Variants in GPC5 observed in about 807,000 individuals in gnomAD.
GPC5 encodes glypican 5.
A neutral mutation model predicts 53.9 loss-of-function variants in GPC5; 47 were observed. The observed-to-expected ratio is 0.87, with a 90% CI of 0.69 to 1.11. The LOEUF is 1.11. GPC5 is among the 50% of genes most tolerant of loss of function. GPC5 has a pLI of 0.00. For missense variants in GPC5, 748 were observed against 713.1 expected (o/e 1.05, Z -0.56); for synonymous variants, 286 against 263.3 (o/e 1.09, Z -0.84).
chr13:92,218,577 C>CTTCACTG (rs1423669490), intron 7 of GPC5, among the ~76,000 whole-genome samples: 1 of 152,188 alleles, frequency 6.6e-6, no homozygotes, highest in Non-Finnish European at 1.5e-5. Flanking sequence ...CCTCCCCCTG[C>CTTCACTG]TTCACTGTTG....
At chr13:91,993,668 T>A (rs2040477815) in intron 6 of GPC5, among the ~76,000 whole-genome samples, 2 of 152,232 alleles carry the variant, frequency 1.3e-5, no homozygotes, top group Non-Finnish European at 2.9e-5. Flanking sequence ...ATATCCACAA[T>A]GAACATTTTT....
intron 6 of GPC5, among the ~76,000 whole-genome samples, chr13:91,969,656 C>T (rs1464879446): frequency 6.6e-6 from 1 of 152,094 alleles, no homozygotes; most frequent in Admixed American, 6.5e-5. Flanking sequence ...ACTTAAATAA[C>T]ATACAACTAA....
At chr13:91,540,539 T>A (rs909149022) in intron 2 of GPC5, among the ~76,000 whole-genome samples, 1 of 152,176 alleles carries the variant, frequency 6.6e-6, no homozygotes, top group African/African-American at 2.4e-5. Flanking sequence ...AAGTTGATTG[T>A]GGTGATGGTT....
At chr13:91,439,712 A>C (rs943441308) in intron 1 of GPC5, among the ~76,000 whole-genome samples, 4 of 152,050 alleles carry the variant, frequency 2.6e-5, no homozygotes, top group Non-Finnish European at 5.9e-5. Context: ...TCTCTCTATC[A>C]TCTGCCAAGT....
intron 6 of GPC5, among the ~76,000 whole-genome samples, chr13:91,919,093 T>A (rs1283662979): frequency 1.3e-5 from 2 of 152,236 alleles, no homozygotes; most frequent in African/African-American, 2.4e-5. Flanking sequence ...TCTTTCCACA[T>A]GCTTAAGCCT....
chr13:91,885,382 T>C (rs1385171325), intron 5 of GPC5, among the ~76,000 whole-genome samples: 2 of 152,230 alleles, frequency 1.3e-5, no homozygotes, highest in African/African-American at 4.8e-5. Flanking sequence ...TTTGTAAAAT[T>C]CAGGAGTTTG....
At chr13:92,307,751 A>G (rs1464229740) in intron 7 of GPC5, among the ~76,000 whole-genome samples, 1 of 152,234 alleles carries the variant, frequency 6.6e-6, no homozygotes, top group East Asian at 1.9e-4. Context: ...AGGAAGAGAA[A>G]AAGAGAAAAC....
intron 7 of GPC5, among the ~76,000 whole-genome samples, chr13:92,857,707 CA>C (rs1208633161): frequency 6.6e-6 from 1 of 151,900 alleles, no homozygotes; most frequent in Non-Finnish European, 1.5e-5. Flanking sequence ...AACCAATAAA[CA>C]TATGAAAAAA....
intron 3 of GPC5, among the ~76,000 whole-genome samples, chr13:91,700,630 A>C (rs9972043): frequency 4.7e-4 from 72 of 152,320 alleles, no homozygotes; most frequent in African/African-American, 1.7e-3. Flanking sequence ...ATAGGAACTA[A>C]GTCTTGGCCA....
At chr13:92,155,554 T>C (rs1278070014) in intron 7 of GPC5, among the ~76,000 whole-genome samples, 1 of 152,186 alleles carries the variant, frequency 6.6e-6, no homozygotes, top group African/African-American at 2.4e-5. Context: ...ACTTTCTTCC[T>C]CAGGAGCACC....
At chr13:92,083,382 T>C (rs1302545371) in intron 6 of GPC5, among the ~76,000 whole-genome samples, 2 of 152,078 alleles carry the variant, frequency 1.3e-5, no homozygotes, top group Non-Finnish European at 2.9e-5. Flanking sequence ...TGCATTTGAG[T>C]AAGGTCTAGG....
intron 7 of GPC5, among the ~76,000 whole-genome samples, chr13:92,555,795 A>T (rs1882473656): frequency 6.7e-6 from 1 of 150,324 alleles, no homozygotes; most frequent in African/African-American, 2.4e-5. Context: ...TATATTACAT[A>T]TATATTCCCT....
At chr13:92,576,109 A>G (rs1422561801) in intron 7 of GPC5, among the ~76,000 whole-genome samples, 2 of 152,210 alleles carry the variant, frequency 1.3e-5, no homozygotes, top group African/African-American at 2.4e-5. Flanking sequence ...ATCCCTCCAG[A>G]TATAACGAAT....
At chr13:91,907,810 C>A in intron 5 of GPC5, 127 bp from the exon 6 acceptor site, 2 of 873,674 alleles carry the variant, frequency 2.3e-6, no homozygotes, top group Admixed American at 5.3e-5. Context: ...AGTTTCTGTT[C>A]CAAGAGAAAA....
rs1328936007 is a variant in GPC5 at position 92,036,535 on chromosome 13, G to T, written c.1402-108295G>T. Reference sequence around the variant, plus strand: ...TTTCAAGCTGTTTGAATCAAGGCATGATAAGAAAATTAACATAAGCTTTAG... The same window carrying T: ...TTTCAAGCTGTTTGAATCAAGGCATTATAAGAAAATTAACATAAGCTTTAG... On this transcript the variant is annotated intron_variant, in intron 6 of 7. Transcript: ENST00000377067. Among the ~76,000 whole-genome samples the T allele has an allele frequency of 2.0e-5, 3 of 152,182 alleles. No individual in the cohort carries two copies. In the East Asian group the frequency reaches 5.8e-4, roughly 29 times the overall value.
intron 2 of GPC5, among the ~76,000 whole-genome samples, chr13:91,494,106 G>C (rs569762894): frequency 2.0e-5 from 3 of 151,620 alleles, no homozygotes; most frequent in Non-Finnish European, 4.4e-5. Context: ...TGGCCAGGAT[G>C]GTCTCTATTT....
At chr13:92,149,428 A>G (rs1289633306) in intron 7 of GPC5, among the ~76,000 whole-genome samples, 1 of 152,088 alleles carries the variant, frequency 6.6e-6, no homozygotes, top group Non-Finnish European at 1.5e-5. Flanking sequence ...GTAGGATAAT[A>G]CATTGCAATA....
intron 7 of GPC5, among the ~76,000 whole-genome samples, chr13:92,462,023 G>A (rs1477376159): frequency 2.0e-5 from 3 of 152,146 alleles, no homozygotes; most frequent in African/African-American, 4.8e-5. Context: ...GGCTGAACCC[G>A]AAAGAACCAG....
At chr13:92,243,152 T>C (rs2042626046) in intron 7 of GPC5, among the ~76,000 whole-genome samples, 1 of 152,204 alleles carries the variant, frequency 6.6e-6, no homozygotes, top group African/African-American at 2.4e-5. Context: ...TGACTTGTTA[T>C]TACAAATAAT....
Sources: gnomAD v4.1 joint callset for allele counts (sites outside exome capture counted in the v4.1 genomes callset) on GRCh38, gnomAD v4.1.1 for gene constraint, MANE v1.5 for transcripts, NCBI Gene and HGNC (gene_info 2026-07-23, HGNC 2026-07-21) for gene names.